CFAP54: variants seen among roughly 807,000 people sequenced by gnomAD.
The protein encoded by CFAP54 is cilia- and flagella-associated protein 54.
A neutral mutation model predicts 370.4 loss-of-function variants in CFAP54; 290 were observed. The ratio of observed to expected loss-of-function variants is 0.78; its 90% confidence interval spans 0.71 to 0.86. CFAP54 has a LOEUF of 0.86. Ranked by LOEUF, CFAP54 falls within the 40% of genes least tolerant of loss-of-function variation. The probability of loss-of-function intolerance (pLI) is 0.00; values close to 1 mark genes in which losing one functional copy is unlikely to be tolerated. For synonymous variants in CFAP54, 1,206 were observed against 1,236.5 expected, an observed-to-expected ratio of 0.98 and a Z score of 0.52; for missense variants, 3,399 against 3,528.7, an observed-to-expected ratio of 0.96 and a Z score of 0.93.
chr12:96,671,727 G>A (rs752596624), intron 39 of CFAP54, among the ~76,000 whole-genome samples: 1 of 152,118 alleles, frequency 6.6e-6, no homozygotes, highest in Non-Finnish European at 1.5e-5. Flanking sequence ...TTTGAGACCA[G>A]CCTGGCCAAC....
At chr12:96,597,204 A>G (rs957491851) in intron 25 of CFAP54, among the ~76,000 whole-genome samples, 15 of 152,110 alleles carry the variant, frequency 9.9e-5, no homozygotes, top group African/African-American at 3.4e-4. Context: ...TTAAAAATAC[A>G]TTTATCTGAC....
At position 96,704,797 on chromosome 12, in the gene CFAP54, GT is replaced by G; in HGVS notation, c.6528+2del. On this transcript the variant is annotated splice_donor_variant, in intron 47 of 67. Coordinates refer to ENST00000524981, the MANE Select transcript of CFAP54 (RefSeq NM_001306084.2). LOFTEE classifies it high-confidence loss of function. ...TCTTACCAGTAAAGAAAATATACAGGTAAGGATAATAATATTTTATAAACAT... is the reference window on the plus strand; with the variant it reads ...TCTTACCAGTAAAGAAAATATACAGGAAGGATAATAATATTTTATAAACAT... 1 of 1,067,082 alleles carries G rather than the reference GT, an allele frequency of 9.4e-7. No individual in the cohort carries two copies. The allele number at this position is 1,067,082 out of a possible 1,614,324, so 66.1% of individuals were successfully genotyped here.
chr12:96,640,916 A>C (rs1294525759), intron 32 of CFAP54, among the ~76,000 whole-genome samples: 1 of 152,082 alleles, frequency 6.6e-6, no homozygotes, highest in Non-Finnish European at 1.5e-5. Context: ...ACCTTATACA[A>C]AAATTAATTC....
At chr12:96,664,725 CTATATATATA>C (rs199537312) in intron 39 of CFAP54, among the ~76,000 whole-genome samples, 17,330 of 72,530 alleles carry the variant, frequency 0.24, 2,621 homozygotes, top group African/African-American at 0.34. Context: ...CTATATATAT[CTATATATATA>C]TATCTATATA....
At chr12:96,851,203 G>T (rs1348104650) in intron 66 of CFAP54, among the ~76,000 whole-genome samples, 3 of 152,020 alleles carry the variant, frequency 2.0e-5, no homozygotes, top group Non-Finnish European at 2.9e-5. Context: ...TGACATTGAT[G>T]TGCTTTGACT....
chr12:96,805,868 AG>A (rs1038778006), intron 63 of CFAP54, among the ~76,000 whole-genome samples: 55 of 152,112 alleles, frequency 3.6e-4, no homozygotes, highest in African/African-American at 1.1e-3. Context: ...GACTGGATAA[AG>A]AACTACTCAG....
rs140543572 is a variant in CFAP54 at position 96,753,782 on chromosome 12, G to A, written c.7724G>A (p.Arg2575Lys). The A allele has an allele frequency of 1.2e-5, 19 of 1,613,788 alleles. No homozygotes were observed. The highest frequency in any genetic ancestry group is 3.3e-5 in the Admixed American group (2 of 59,994). ...VAKQVYYKNK[R>K]KDPSKWLPAL... The stretch of plus-strand genomic sequence containing the variant: ...AAGCAAGTATATTACAAGAATAAAA[G>A]GAAGGACCCCTCGAAGTGGTTACCT... Residue 2575 changes from arginine to lysine, a missense_variant, in exon 56 of 68, where the codon AGG becomes AAG. Arg to Lys is a conservative substitution (Grantham distance 26). Coordinates refer to ENST00000524981, the MANE Select transcript of CFAP54 (RefSeq NM_001306084.2).
chr12:96,505,752 C>G (rs1955093072), intron 3 of CFAP54, among the ~76,000 whole-genome samples: 1 of 152,114 alleles, frequency 6.6e-6, no homozygotes, highest in East Asian at 1.9e-4. Flanking sequence ...ATCTGCCTGC[C>G]TTGGCCTCAC....
intron 66 of CFAP54, among the ~76,000 whole-genome samples, chr12:96,854,883 A>C (rs1461129057): frequency 6.6e-6 from 1 of 152,178 alleles, no homozygotes; most frequent in Non-Finnish European, 1.5e-5. Flanking sequence ...TTTGTTGTAC[A>C]GATTATTTTA....
intron 40 of CFAP54, among the ~76,000 whole-genome samples, chr12:96,680,064 A>G (rs1957253659): frequency 6.6e-6 from 1 of 152,238 alleles, no homozygotes; most frequent in African/African-American, 2.4e-5. Context: ...GTGTGGCACT[A>G]TGGTCTTGTT....
intron 32 of CFAP54, among the ~76,000 whole-genome samples, chr12:96,631,458 T>A (rs1300923803): frequency 6.8e-6 from 1 of 146,322 alleles, no homozygotes; most frequent in Non-Finnish European, 1.6e-5. Flanking sequence ...TGCTGTAATT[T>A]TTTTCCAATT....
chr12:96,764,124 A>G, intron 58 of CFAP54, 27 bp from the exon 59 acceptor site: 1 of 1,493,724 alleles, frequency 6.7e-7, no homozygotes, highest in South Asian at 1.2e-5. Context: ...AAAACTTTAT[A>G]TCATAACACA....
At chr12:96,540,805 A>C in intron 13 of CFAP54, 32 bp from the exon 14 acceptor site, 1 of 1,338,850 alleles carries the variant, frequency 7.5e-7, no homozygotes, top group Non-Finnish European at 9.7e-7. Flanking sequence ...ATATACTTTT[A>C]ATTAATTTTG....
rs879274603 is a variant in CFAP54 at position 96,527,559 on chromosome 12, T to G, written c.1357+115T>G. The G allele has an allele frequency of 1.5e-3, 967 of 639,678 alleles. 6 individuals carry two copies. The highest frequency in any genetic ancestry group is 1.5e-3 in the Non-Finnish European group (645 of 422,174). The allele number at this position is 639,678 out of a possible 1,614,324, so 39.6% of individuals were successfully genotyped here. ...GATAACATTTATATTGTTTTTTTTT[T>G]TTTGTTTGGTTGTTTGTTTGTTTTT... On this transcript the variant is annotated intron_variant, in intron 9 of 67. Transcript: ENST00000524981.
intron 13 of CFAP54, chr12:96,540,328 C>T (rs1955556489): frequency 6.6e-6 from 1 of 152,342 alleles, no homozygotes; most frequent in Non-Finnish European, 1.5e-5. Context: ...TCTCGAACTC[C>T]TGACCTCGTG....
At chr12:96,576,563 C>A in intron 19 of CFAP54, 22 bp from the exon 20 acceptor site, 14 of 1,457,942 alleles carry the variant, frequency 9.6e-6, no homozygotes, top group Non-Finnish European at 1.3e-5. Flanking sequence ...ATATATTTTT[C>A]TATTTTCATA....
At chr12:96,695,214 A>T (rs1957430384) in intron 45 of CFAP54, among the ~76,000 whole-genome samples, 1 of 152,174 alleles carries the variant, frequency 6.6e-6, no homozygotes, top group Admixed American at 6.5e-5. Context: ...GGGCTCCAAC[A>T]CACCACTGGC....
chr12:96,491,370 A>T (rs190688233), intron 1 of CFAP54, among the ~76,000 whole-genome samples: 1 of 152,334 alleles, frequency 6.6e-6, no homozygotes, highest in East Asian at 1.9e-4. Flanking sequence ...GATGTGATTC[A>T]GCATCCAGGT....
intron 2 of CFAP54, among the ~76,000 whole-genome samples, chr12:96,503,041 T>A (rs1040802486): frequency 1.4e-5 from 2 of 143,234 alleles, no homozygotes; most frequent in Non-Finnish European, 3.0e-5. Context: ...CTTTCCTTCC[T>A]CTCTCCCTCC....
Sources: allele counts gnomAD v4.1 joint callset (sites outside exome capture counted in the v4.1 genomes callset), GRCh38; gene constraint gnomAD v4.1.1; transcripts MANE v1.5; gene names NCBI Gene and HGNC (gene_info 2026-07-23, HGNC 2026-07-21).